TRAPPC9: variants seen among roughly 807,000 people sequenced by gnomAD.
TRAPPC9 encodes the protein trafficking protein particle complex subunit 9, also known as IKK2 binding protein.
Under a neutral mutation model 124.0 loss-of-function variants are expected in TRAPPC9, and 83 were observed. That is an observed-to-expected ratio of 0.67 (90% CI 0.56 to 0.80). The LOEUF (loss-of-function observed/expected upper bound fraction) is 0.80, where lower values mean the gene tolerates loss of function less well. Ranked by LOEUF, TRAPPC9 falls within the 30% of genes least tolerant of loss-of-function variation. The pLI is 0.00. For missense variants in TRAPPC9, 1,302 were observed against 1,508.3 expected (o/e 0.86, Z 2.27); for synonymous variants, 638 against 617.5 (o/e 1.03, Z -0.49).
intron 20 of TRAPPC9, among the ~76,000 whole-genome samples, chr8:139,903,593 C>A (rs931304738): frequency 6.6e-6 from 1 of 152,224 alleles, no homozygotes; most frequent in Non-Finnish European, 1.5e-5. Flanking sequence ...ACGGTCTGTG[C>A]AGGGCTGCTC....
At chr8:140,018,288 C>A (rs1223395535) in intron 18 of TRAPPC9, among the ~76,000 whole-genome samples, 2 of 149,504 alleles carry the variant, frequency 1.3e-5, no homozygotes, top group Admixed American at 1.3e-4. Flanking sequence ...ATTTCATTTT[C>A]AAATTGTTAG....
chr8:140,011,262 A>C (rs1029192347), intron 18 of TRAPPC9, among the ~76,000 whole-genome samples: 1 of 151,968 alleles, frequency 6.6e-6, no homozygotes, highest in Non-Finnish European at 1.5e-5. Flanking sequence ...GAATCACTTG[A>C]ACCCAGGAGG....
chr8:140,114,639 C>T (rs569992044), intron 17 of TRAPPC9, among the ~76,000 whole-genome samples: 2 of 152,292 alleles, frequency 1.3e-5, no homozygotes, highest in African/African-American at 4.8e-5. Flanking sequence ...TGGGTCCTTA[C>T]ATCCAAGACT....
chr8:140,362,823 T>TCA (rs1486505975), intron 8 of TRAPPC9, among the ~76,000 whole-genome samples: 1 of 152,344 alleles, frequency 6.6e-6, no homozygotes, highest in African/African-American at 2.4e-5. Flanking sequence ...GAAGGTTTTC[T>TCA]CACATAAGAA....
intron 18 of TRAPPC9, among the ~76,000 whole-genome samples, chr8:139,991,773 T>C (rs1837668695): frequency 3.3e-5 from 5 of 151,972 alleles, no homozygotes; most frequent in Admixed American, 1.3e-4. Flanking sequence ...TGTAGTCAGG[T>C]TGAGTGTGGG....
Position 139,761,895 on chromosome 8 carries a change from C to T in TRAPPC9, c.3056-29693G>A, listed in dbSNP as rs190821723. Among the ~76,000 whole-genome samples, 1,062 of 151,770 alleles carry T rather than the reference C, an allele frequency of 7.0e-3. 14 individuals carry two copies. The highest frequency in any genetic ancestry group is 0.025 in the African/African-American group (1,019 of 41,388). On this transcript the variant is annotated intron_variant, in intron 21 of 22. Coordinates refer to ENST00000438773, the MANE Select transcript of TRAPPC9 (RefSeq NM_001160372.4). The stretch of plus-strand genomic sequence containing the variant: ...CATCTGCTTCTTCTGCTTGTCTCCC[C>T]TGACTCCCCCTTGTTTATGCTCTGG...
chr8:139,891,792 G>A (rs914978575), intron 20 of TRAPPC9, among the ~76,000 whole-genome samples: 5 of 152,232 alleles, frequency 3.3e-5, no homozygotes, highest in East Asian at 3.9e-4. Flanking sequence ...TCCAGGGTGC[G>A]TGCTGCAGGC....
chr8:140,349,408 G>GA (rs2067470595), intron 9 of TRAPPC9, among the ~76,000 whole-genome samples: 3 of 144,466 alleles, frequency 2.1e-5, no homozygotes, highest in African/African-American at 5.1e-5. Context: ...GGGCGCGCGA[G>GA]GGAAGGGCAC....
intron 19 of TRAPPC9, among the ~76,000 whole-genome samples, chr8:139,958,376 C>A (rs1239827320): frequency 6.6e-6 from 1 of 152,186 alleles, no homozygotes; most frequent in African/African-American, 2.4e-5. Context: ...CACACCGTTC[C>A]CACAGCTCTG....
At chr8:140,088,654 C>T (rs57429007) in intron 17 of TRAPPC9, among the ~76,000 whole-genome samples, 2 of 152,180 alleles carry the variant, frequency 1.3e-5, no homozygotes, top group Admixed American at 1.3e-4. Flanking sequence ...GTGACATATA[C>T]AGTTGAACAA....
intron 19 of TRAPPC9, among the ~76,000 whole-genome samples, chr8:139,927,180 G>A (rs953504275): frequency 4.6e-5 from 7 of 152,182 alleles, no homozygotes; most frequent in African/African-American, 1.7e-4. Flanking sequence ...GCAGTGACTG[G>A]GGTGGAAGAA....
intron 2 of TRAPPC9, among the ~76,000 whole-genome samples, chr8:140,449,634 C>A (rs2071386881): frequency 6.6e-6 from 1 of 152,216 alleles, no homozygotes; most frequent in Admixed American, 6.5e-5. Context: ...TATACGGTAG[C>A]TGTTTAGGAG....
chr8:140,256,950 A>AC (rs2064280591), intron 15 of TRAPPC9, among the ~76,000 whole-genome samples: 1 of 152,122 alleles, frequency 6.6e-6, no homozygotes, highest in Non-Finnish European at 1.5e-5. Flanking sequence ...ACCACCAATG[A>AC]TGGGGGCTCG....
chr8:140,333,920 T>C (rs914811395), intron 9 of TRAPPC9, among the ~76,000 whole-genome samples: 19 of 152,240 alleles, frequency 1.2e-4, no homozygotes, highest in Non-Finnish European at 2.5e-4. Flanking sequence ...AACAGCTGCA[T>C]TGATAACTGA....
chr8:139,931,144 C>A (rs140798849), intron 19 of TRAPPC9: 1 of 152,178 alleles, frequency 6.6e-6, no homozygotes, highest in Non-Finnish European at 1.5e-5. Flanking sequence ...GCTGTGAGAT[C>A]CTCGGGAAAC....
At chr8:139,916,764 G>T (rs142610473) in intron 19 of TRAPPC9, 35 of 152,382 alleles carry the variant, frequency 2.3e-4, no homozygotes, top group African/African-American at 8.2e-4. Flanking sequence ...TTCAGTCTTT[G>T]AACAGCGGAT....
intron 21 of TRAPPC9, among the ~76,000 whole-genome samples, chr8:139,781,118 T>C (rs78799061): frequency 0.023 from 3,432 of 152,184 alleles, 136 homozygotes; most frequent in African/African-American, 0.076. Context: ...ATGACAAAAC[T>C]GAAATACTCT....
At chr8:140,309,344 G>A (rs910423418) in intron 10 of TRAPPC9, among the ~76,000 whole-genome samples, 2 of 152,202 alleles carry the variant, frequency 1.3e-5, no homozygotes, top group Non-Finnish European at 2.9e-5. Context: ...TGAAGAAAAC[G>A]AAGTGTAAAG....
chr8:140,261,662 C>T (rs1253944465), intron 15 of TRAPPC9, among the ~76,000 whole-genome samples: 1 of 152,170 alleles, frequency 6.6e-6, no homozygotes, highest in African/African-American at 2.4e-5. Context: ...GAGTGTACAA[C>T]TAAATTCAAA....
Sources: allele counts gnomAD v4.1 joint callset (sites outside exome capture counted in the v4.1 genomes callset), GRCh38; gene constraint gnomAD v4.1.1; transcripts MANE v1.5; gene names NCBI Gene and HGNC (gene_info 2026-07-23, HGNC 2026-07-21).